The following CDC42 variants were observed in gnomAD, a reference collection of about 807,000 sequenced individuals.
CDC42 encodes the protein cell division control protein 42 homolog.
A neutral mutation model predicts 20.8 loss-of-function variants in CDC42; 1 was observed. The ratio of observed to expected loss-of-function variants is 0.05; its 90% CI spans 0.02 to 0.23. The LOEUF is 0.23. Ranked by LOEUF, CDC42 falls within the 10% of genes least tolerant of loss-of-function variation. The probability of loss-of-function intolerance (pLI) is 1.00; values close to 1 mark genes in which losing one functional copy is unlikely to be tolerated. For synonymous variants in CDC42, 72 were observed against 84.8 expected (o/e 0.85, Z 0.83); for missense variants, 49 against 227.9 (o/e 0.21, Z 5.05).
intron 3 of CDC42, among the ~76,000 whole-genome samples, chr1:22,084,464 T>A (rs746502264): frequency 1.3e-5 from 2 of 151,708 alleles, no homozygotes; most frequent in Non-Finnish European, 2.9e-5. Context: ...CATTTATATA[T>A]CTTTGGAGAA....
rs139511732 is a variant in CDC42 at position 22,096,273 on chromosome 1, T to TA, written c.*4757dup. Reference sequence around the variant, plus strand: ...TGCGCCCGGCCTATTCATTCATTCTTACAGTGAATTAGTAAATTCAACAAA... The same window carrying TA: ...TGCGCCCGGCCTATTCATTCATTCTTAACAGTGAATTAGTAAATTCAACAAA... On this transcript the variant is annotated 3_prime_UTR_variant, in exon 6 of 6. Coordinates refer to ENST00000656825, the MANE Select transcript of CDC42 (RefSeq NM_001791.4). Among the ~76,000 whole-genome samples, 4,506 of 143,300 alleles carry TA rather than the reference T, an allele frequency of 0.031. 112 individuals carry two copies. The highest frequency in any genetic ancestry group is 0.069 in the African/African-American group (2,623 of 38,026). 94.0% of individuals were successfully genotyped at this position (143,300 alleles called of 152,430 possible).
At chr1:22,088,030 T>G (rs1272274361) in intron 5 of CDC42, among the ~76,000 whole-genome samples, 1 of 152,246 alleles carries the variant, frequency 6.6e-6, no homozygotes, top group Non-Finnish European at 1.5e-5. Flanking sequence ...TAATCCTCGT[T>G]TTTTTGGGCA....
chr1:22,072,242 C>T (rs1054128522), intron 1 of CDC42, among the ~76,000 whole-genome samples: 5 of 151,616 alleles, frequency 3.3e-5, no homozygotes, highest in East Asian at 1.9e-4. Flanking sequence ...GAACTACAGG[C>T]GCCTGCCACC....
intron 1 of CDC42, chr1:22,064,082 T>C (rs1386183082): frequency 6.8e-6 from 1 of 146,118 alleles, no homozygotes; most frequent in Non-Finnish European, 1.5e-5. Context: ...TTGTTTTTTT[T>C]TTGTTACATT....
chr1:22,099,318 G>A lies in CDC42; in HGVS notation c.*7801G>A, dbSNP rs1645775685. 1.3e-5 allele frequency among the ~76,000 whole-genome samples: 2 copies of A among 152,222 alleles called. No homozygotes were observed. On this transcript the variant is annotated 3_prime_UTR_variant, in exon 6 of 6. Transcript: ENST00000656825. ...CAGCTTTGTTAATTGAGCTCTTACT[G>A]TGTGCCTTTGCACTGTGTTAAGCAC... is the stretch of plus-strand genomic sequence containing the variant.
At chr1:22,078,968 A>G (rs1323468078) in intron 2 of CDC42, 1 of 659,046 alleles carries the variant, frequency 1.5e-6, no homozygotes, top group African/African-American at 1.9e-5. Flanking sequence ...GAGGTCCTGT[A>G]ACTTGAGAGA....
chr1:22,090,707 C>T, intron 5 of CDC42: 1 of 985,156 alleles, frequency 1.0e-6, no homozygotes, highest in South Asian at 4.7e-5. Flanking sequence ...GTAAAGCTGC[C>T]ACCTTTATAT....
rs753180913 is a variant in CDC42 at position 22,098,044 on chromosome 1, C to T, written c.*6527C>T. 3.9e-5 allele frequency among the ~76,000 whole-genome samples: 6 copies of T among 152,024 alleles called. No homozygotes were observed. Among genetic ancestry groups the T allele is most frequent in the South Asian group, 2.1e-4 (1 of 4,806 alleles). ...CTGTTCTGTTTGCTCTGATGCGTCC[C>T]GCAGAGCAGTGCTTTTTCTCGGTGT... is the stretch of plus-strand genomic sequence containing the variant. On this transcript the variant is annotated 3_prime_UTR_variant, in exon 6 of 6. Transcript: ENST00000656825.
intron 1 of CDC42, among the ~76,000 whole-genome samples, chr1:22,057,651 T>G (rs1645317538): frequency 6.6e-6 from 1 of 152,078 alleles, no homozygotes; most frequent in Admixed American, 6.5e-5. Context: ...CTCAAAGTAC[T>G]GGGATTACAG....
chr1:22,070,481 T>G (rs968307145), intron 1 of CDC42, among the ~76,000 whole-genome samples: 1 of 94,986 alleles, frequency 1.1e-5, no homozygotes, highest in Non-Finnish European at 2.0e-5. Context: ...TTTTTTTTTT[T>G]GAGACAGAGT....
rs961208301 is a variant in CDC42, at chr1:22,093,748, A to G, written c.*2231A>G. Among the ~76,000 whole-genome samples the G allele has an allele frequency of 6.6e-6, 1 of 152,228 alleles. No individual in the cohort carries two copies. The highest frequency in any genetic ancestry group is 1.5e-5 in the Non-Finnish European group (1 of 68,048). On this transcript the variant is annotated 3_prime_UTR_variant, in exon 6 of 6. Coordinates refer to ENST00000656825, the MANE Select transcript of CDC42 (RefSeq NM_001791.4). Reference sequence around the variant, plus strand: ...CTTGTTGACTATACTAGGGAGAGATACCTGGATCATGTGATACCCTGGAAA... The same window carrying G: ...CTTGTTGACTATACTAGGGAGAGATGCCTGGATCATGTGATACCCTGGAAA...
At position 22,093,100 on chromosome 1, in the gene CDC42, A is replaced by G. The variant is rs1347535695; in HGVS notation, c.*1583A>G. 6.6e-6 allele frequency among the ~76,000 whole-genome samples: 1 copy of G among 152,166 alleles called. No homozygotes were observed. Among genetic ancestry groups the G allele is most frequent in the Non-Finnish European group, 1.5e-5 (1 of 68,026 alleles). On this transcript the variant is annotated 3_prime_UTR_variant, in exon 6 of 6. Coordinates refer to ENST00000656825, the MANE Select transcript of CDC42 (RefSeq NM_001791.4). ...ATTTTCTGGCATTTTAGTTTGAGATAATATTTAGCCCTCTATATGTTCAGG... is the reference window on the plus strand; with the variant it reads ...ATTTTCTGGCATTTTAGTTTGAGATGATATTTAGCCCTCTATATGTTCAGG...
chr1:22,079,772 A>C (rs942517499), intron 2 of CDC42, among the ~76,000 whole-genome samples: 11 of 152,158 alleles, frequency 7.2e-5, no homozygotes, highest in African/African-American at 2.7e-4. Context: ...TTTCTGTTTC[A>C]GTCTCCATTG....
At chr1:22,082,914 T>C (rs188862646) in intron 3 of CDC42, among the ~76,000 whole-genome samples, 321 of 147,408 alleles carry the variant, frequency 2.2e-3, no homozygotes, top group Non-Finnish European at 4.0e-3. Flanking sequence ...AGTTTTGCTG[T>C]TGTTGCCCAG....
At chr1:22,090,180 G>A in intron 5 of CDC42, 1 of 1,336,086 alleles carries the variant, frequency 7.5e-7, no homozygotes, top group African/African-American at 1.5e-5. Context: ...ATTAGTTTTT[G>A]ATCAAGAATG....
rs10917140 is a variant in CDC42 at position 22,075,677 on chromosome 1, T to A, written c.-50-2752T>A. On this transcript the variant is annotated intron_variant, in intron 1 of 5. Transcript: ENST00000656825. ...ACTGTATGCCAAGCACTGTTGCAAG[T>A]TCTTTACATGTATTATCTTAGTTTA... 9.5e-3 allele frequency among the ~76,000 whole-genome samples: 1,452 copies of A among 152,306 alleles called. 22 individuals are homozygous for A. The highest frequency in any genetic ancestry group is 0.033 in the African/African-American group (1,368 of 41,542).
rs991790314 is a variant in CDC42 at position 22,096,469 on chromosome 1, GTT to G, written c.*4955_*4956del. ...TTGCTCCCAAGAGAGTAATGTAAAA[GTT>G]TTATCTGTGCATGCATATTCATGAC... is the stretch of plus-strand genomic sequence containing the variant. On this transcript the variant is annotated 3_prime_UTR_variant, in exon 6 of 6. Coordinates refer to ENST00000656825, the MANE Select transcript of CDC42 (RefSeq NM_001791.4). Among the ~76,000 whole-genome samples the G allele has an allele frequency of 6.6e-6, 1 of 152,148 alleles. No homozygotes were observed. Among genetic ancestry groups the G allele is most frequent in the Non-Finnish European group, 1.5e-5 (1 of 68,026 alleles).
intron 1 of CDC42, among the ~76,000 whole-genome samples, chr1:22,071,466 G>A (rs964628846): frequency 6.6e-6 from 1 of 152,194 alleles, no homozygotes; most frequent in East Asian, 1.9e-4. Flanking sequence ...ACTTGCATAC[G>A]TGTGTGAATG....
At chr1:22,080,640 A>T (rs889638017) in intron 2 of CDC42, among the ~76,000 whole-genome samples, 1 of 152,174 alleles carries the variant, frequency 6.6e-6, no homozygotes, top group Non-Finnish European at 1.5e-5. Flanking sequence ...TTGTATATGA[A>T]AGCATTGCTT....
Sources: gnomAD v4.1 joint callset for allele counts (sites outside exome capture counted in the v4.1 genomes callset) on GRCh38, gnomAD v4.1.1 for gene constraint, MANE v1.5 for transcripts, NCBI Gene and HGNC (gene_info 2026-07-23, HGNC 2026-07-21) for gene names.